Variants in WWOX observed in about 807,000 individuals in gnomAD.
WWOX encodes the protein WW domain-containing oxidoreductase.
Under a neutral mutation model 46.2 loss-of-function variants are expected in WWOX, and 69 were observed. The ratio of observed to expected loss-of-function variants is 1.49; its 90% CI spans 1.23 to 1.82. The LOEUF is 1.82. Ranked by LOEUF, WWOX falls within the 40% of genes most tolerant of loss-of-function variation. The pLI is 0.00. For synonymous variants in WWOX, 359 were observed against 202.6 expected (o/e 1.77, Z -6.56); for missense variants, 919 against 542.6 (o/e 1.69, Z -6.89).
At chr16:79,045,562 G>A (rs1033624007) in intron 8 of WWOX, among the ~76,000 whole-genome samples, 2 of 152,048 alleles carry the variant, frequency 1.3e-5, no homozygotes, top group Non-Finnish European at 2.9e-5. Context: ...AATAGAACAC[G>A]GAGGCAGAAT....
At chr16:78,839,238 T>C (rs1388836086) in intron 8 of WWOX, among the ~76,000 whole-genome samples, 1 of 152,194 alleles carries the variant, frequency 6.6e-6, no homozygotes. Flanking sequence ...TCACCTGCTC[T>C]ATTTTGATAT....
At chr16:78,231,802 C>CT (rs2037274117) in intron 5 of WWOX, among the ~76,000 whole-genome samples, 2 of 152,052 alleles carry the variant, frequency 1.3e-5, no homozygotes. Flanking sequence ...ATTTCAATGT[C>CT]TTTTTTGAGG....
intron 8 of WWOX, among the ~76,000 whole-genome samples, chr16:78,900,635 C>T (rs1325019706): frequency 6.6e-6 from 1 of 152,138 alleles, no homozygotes; most frequent in Non-Finnish European, 1.5e-5. Flanking sequence ...TCCAGCCTGT[C>T]TTTCCTCTTT....
chr16:78,338,897 G>T (rs1955491498), intron 5 of WWOX, among the ~76,000 whole-genome samples: 1 of 120,784 alleles, frequency 8.3e-6, no homozygotes, highest in East Asian at 1.9e-4. Context: ...TACGTAAAAA[G>T]TTAAAGCAGC....
chr16:78,209,739 TAA>T (rs5818116), intron 5 of WWOX, among the ~76,000 whole-genome samples: 10,114 of 145,726 alleles, frequency 0.069, 353 homozygotes, highest in Non-Finnish European at 0.085. Flanking sequence ...TTGCGGAGAT[TAA>T]AAAAAAAAAA....
At chr16:79,154,431 C>G (rs528835834) in intron 8 of WWOX, among the ~76,000 whole-genome samples, 15 of 151,378 alleles carry the variant, frequency 9.9e-5, no homozygotes, top group Non-Finnish European at 1.5e-4. Flanking sequence ...CCCCTCATTT[C>G]ACTTCCTCAG....
chr16:78,931,932 G>A (rs1567657995), intron 8 of WWOX, among the ~76,000 whole-genome samples: 1 of 152,168 alleles, frequency 6.6e-6, no homozygotes, highest in Admixed American at 6.5e-5. Context: ...TAAGTCCCAT[G>A]AGATCTGATG....
intron 8 of WWOX, among the ~76,000 whole-genome samples, chr16:79,045,019 C>T (rs1390052416): frequency 1.3e-5 from 2 of 152,186 alleles, no homozygotes; most frequent in Admixed American, 1.3e-4. Flanking sequence ...TTAGCATCAG[C>T]GAGCTCTAGA....
chr16:78,414,781 G>A lies in WWOX; in HGVS notation c.606-10089G>A, dbSNP rs563753511. ...TTACAGGAACAGTTTAGTTTTGGGG[G>A]AAAGCTGTTATTTAAACTATAAACG... On this transcript the variant is annotated intron_variant, in intron 6 of 8. Transcript: ENST00000566780. Among the ~76,000 whole-genome samples, 9 of 152,184 alleles carry A rather than the reference G, an allele frequency of 5.9e-5. No homozygotes were observed. The East Asian group carries it at 1.7e-3, about 29-fold the overall frequency.
intron 8 of WWOX, among the ~76,000 whole-genome samples, chr16:78,446,602 TATG>T (rs1356798254): frequency 2.0e-5 from 3 of 151,724 alleles, no homozygotes; most frequent in Non-Finnish European, 2.9e-5. Context: ...AAAAATTACT[TATG>T]ATATGTTTTT....
chr16:78,971,433 T>G (rs1447250028), intron 8 of WWOX, among the ~76,000 whole-genome samples: 3 of 55,416 alleles, frequency 5.4e-5, no homozygotes, highest in Non-Finnish European at 3.3e-5. Context: ...CCAGTCTGGG[T>G]GACAGACTCT....
intron 6 of WWOX, among the ~76,000 whole-genome samples, chr16:78,419,278 T>C (rs1321190052): frequency 6.6e-6 from 1 of 152,122 alleles, no homozygotes; most frequent in African/African-American, 2.4e-5. Context: ...TTACAGAAAT[T>C]GAAAAGCTGA....
intron 8 of WWOX, among the ~76,000 whole-genome samples, chr16:79,116,383 GCCA>G (rs1456244818): frequency 6.6e-6 from 1 of 152,138 alleles, no homozygotes; most frequent in Non-Finnish European, 1.5e-5. Flanking sequence ...TCTCAAACTC[GCCA>G]CTGCTTTATC....
At chr16:78,298,764 C>G (rs2079986807) in intron 5 of WWOX, among the ~76,000 whole-genome samples, 1 of 149,298 alleles carries the variant, frequency 6.7e-6, no homozygotes, top group African/African-American at 2.5e-5. Flanking sequence ...GCACTCCAGC[C>G]TGGGCAACAA....
chr16:79,039,893 T>A (rs1006162364), intron 8 of WWOX, among the ~76,000 whole-genome samples: 3 of 152,202 alleles, frequency 2.0e-5, no homozygotes, highest in Non-Finnish European at 4.4e-5. Flanking sequence ...TTCCATGGAC[T>A]GATACGCTGG....
chr16:79,030,410 G>A (rs943413322), intron 8 of WWOX, among the ~76,000 whole-genome samples: 3 of 152,052 alleles, frequency 2.0e-5, no homozygotes, highest in East Asian at 1.9e-4. Flanking sequence ...ACTTTTCATG[G>A]CCCTTTTTTC....
At chr16:78,595,168 T>A (rs957408192) in intron 8 of WWOX, among the ~76,000 whole-genome samples, 1 of 152,216 alleles carries the variant, frequency 6.6e-6, no homozygotes, top group African/African-American at 2.4e-5. Context: ...GGTAGACATA[T>A]ACTTCATTGC....
At chr16:78,329,683 T>G (rs147050063) in intron 5 of WWOX, among the ~76,000 whole-genome samples, 1 of 152,284 alleles carries the variant, frequency 6.6e-6, no homozygotes, top group Non-Finnish European at 1.5e-5. Flanking sequence ...TTCTTGCCAA[T>G]GTAGCCAACA....
chr16:78,151,081 T>G (rs2034389157), intron 4 of WWOX, among the ~76,000 whole-genome samples: 1 of 151,010 alleles, frequency 6.6e-6, no homozygotes, highest in Admixed American at 6.6e-5. Context: ...CTCACTGTGT[T>G]GTCCAGGCTG....
Sources: allele counts gnomAD v4.1 joint callset (sites outside exome capture counted in the v4.1 genomes callset), GRCh38; gene constraint gnomAD v4.1.1; transcripts MANE v1.5; gene names NCBI Gene and HGNC (gene_info 2026-07-23, HGNC 2026-07-21).